THSD7A: variants seen among roughly 807,000 people sequenced by gnomAD.
THSD7A encodes the protein thrombospondin type 1 domain containing 7A, also known as thrombospondin type-1 domain-containing protein 7A.
THSD7A carries 96 observed loss-of-function variants against 231.3 expected under a neutral mutation model. The observed-to-expected ratio is 0.41, with a 90% CI of 0.35 to 0.49. The LOEUF is 0.49. Among genes scored for constraint, THSD7A ranks in the 20% least tolerant of loss-of-function variants. The pLI is 0.05. For synonymous variants in THSD7A, 940 were observed against 743.3 expected (o/e 1.26, Z -4.30); for missense variants, 2,290 against 2,070.2 (o/e 1.11, Z -2.06).
intron 1 of THSD7A, among the ~76,000 whole-genome samples, chr7:11,745,281 G>C (rs550900554): frequency 6.6e-6 from 1 of 151,994 alleles, no homozygotes; most frequent in Non-Finnish European, 1.5e-5. Flanking sequence ...CCCACTTTTT[G>C]ATGGGGTTGT....
chr7:11,772,751 C>T (rs897726830), intron 1 of THSD7A, among the ~76,000 whole-genome samples: 2 of 152,180 alleles, frequency 1.3e-5, no homozygotes, highest in East Asian at 3.9e-4. Context: ...CAAAAAATTA[C>T]CTATAGTGTA....
intron 13 of THSD7A, among the ~76,000 whole-genome samples, chr7:11,442,309 T>G (rs1784831321): frequency 6.6e-6 from 1 of 151,964 alleles, no homozygotes; most frequent in African/African-American, 2.4e-5. Context: ...AAAAGTGACC[T>G]AGTGGGAAAC....
At chr7:11,486,704 T>C (rs1420628650) in intron 6 of THSD7A, among the ~76,000 whole-genome samples, 2 of 152,178 alleles carry the variant, frequency 1.3e-5, no homozygotes, top group Non-Finnish European at 2.9e-5. Context: ...CGTGTATTCA[T>C]ATTAAATATA....
chr7:11,765,762 G>C (rs1053097598), intron 1 of THSD7A, among the ~76,000 whole-genome samples: 14 of 151,862 alleles, frequency 9.2e-5, no homozygotes, highest in Non-Finnish European at 1.3e-4. Flanking sequence ...TTCCAAACTG[G>C]TTATGGCCCT....
intron 4 of THSD7A, among the ~76,000 whole-genome samples, chr7:11,579,346 T>A (rs954860359): frequency 6.6e-6 from 1 of 152,174 alleles, no homozygotes; most frequent in African/African-American, 2.4e-5. Flanking sequence ...TTCTTTTACA[T>A]CTTTAGATAG....
chr7:11,751,639 C>T (rs879488815), intron 1 of THSD7A, among the ~76,000 whole-genome samples: 1 of 151,904 alleles, frequency 6.6e-6, no homozygotes, highest in African/African-American at 2.4e-5. Context: ...CCCATAACTC[C>T]TAGTCTAATC....
chr7:11,390,646 T>TGTG lies in THSD7A; in HGVS notation c.4412-8033_4412-8031dup, dbSNP rs1583655680. Among the ~76,000 whole-genome samples the TGTG allele has an allele frequency of 3.3e-5, 5 of 152,222 alleles. No individual in the cohort carries two copies. In the East Asian group the frequency reaches 9.7e-4, roughly 29 times the overall value. ...TTTTGTTCCCTTGCTGGTGAGGAGGTGTGATCCTTTGGAGGGGAAGAGGCA... is the reference window on the plus strand; with the variant it reads ...TTTTGTTCCCTTGCTGGTGAGGAGGTGTGGTGATCCTTTGGAGGGGAAGAGGCA... On this transcript the variant is annotated intron_variant, in intron 23 of 27. Coordinates refer to ENST00000423059, the MANE Select transcript of THSD7A (RefSeq NM_015204.3).
chr7:11,476,542 T>A (rs1001817211), intron 7 of THSD7A, among the ~76,000 whole-genome samples: 1 of 152,062 alleles, frequency 6.6e-6, no homozygotes, highest in Non-Finnish European at 1.5e-5. Flanking sequence ...AAGCACCAGG[T>A]ACAGTGGCTC....
chr7:11,541,343 A>G (rs976100791), intron 6 of THSD7A, 76 bp downstream of exon 6: 1 of 1,396,096 alleles, frequency 7.2e-7, no homozygotes, highest in Non-Finnish European at 1.0e-6. Context: ...GAGAAGACAC[A>G]GGATTTTAAC....
chr7:11,571,503 T>C (rs868249365), intron 4 of THSD7A, among the ~76,000 whole-genome samples: 1 of 152,198 alleles, frequency 6.6e-6, no homozygotes, highest in African/African-American at 2.4e-5. Context: ...TATGGACTAT[T>C]TTAAATTTTT....
chr7:11,474,240 T>G lies in THSD7A; in HGVS notation c.2252+94A>C. 2 of 1,078,330 alleles carry G rather than the reference T, an allele frequency of 1.9e-6. No individual in the cohort carries two copies. The highest frequency in any genetic ancestry group is 2.7e-6 in the Non-Finnish European group (2 of 748,496). The allele number at this position is 1,078,330 out of a possible 1,614,324, so 66.8% of individuals were successfully genotyped here. On this transcript the variant is annotated intron_variant, in intron 8 of 27. Coordinates refer to ENST00000423059, the MANE Select transcript of THSD7A (RefSeq NM_015204.3). This position sits in a 1 kb window ranked among gnomAD's most constrained non-coding sequence, Gnocchi z 4.1. ...CTCTTGAGGACAGGTATGACAAGCATCAAAATGTTCCATTTCATGAAGCCA... is the reference window on the plus strand; with the variant it reads ...CTCTTGAGGACAGGTATGACAAGCAGCAAAATGTTCCATTTCATGAAGCCA...
chr7:11,697,891 T>C (rs980011226), intron 1 of THSD7A, among the ~76,000 whole-genome samples: 11 of 151,356 alleles, frequency 7.3e-5, no homozygotes, highest in African/African-American at 2.7e-4. Flanking sequence ...TAAATACAAA[T>C]TAAATTAAAT....
At chr7:11,794,370 A>G (rs1784055857) in intron 1 of THSD7A, among the ~76,000 whole-genome samples, 1 of 152,006 alleles carries the variant, frequency 6.6e-6, no homozygotes, top group Non-Finnish European at 1.5e-5. Context: ...ACTGAATAGC[A>G]TCCTCTTGGC....
Position 11,541,604 on chromosome 7 carries a change from G to A in THSD7A, c.1637C>T (p.Thr546Ile). Reference sequence around the variant, plus strand: ...CCCAGAGCCTCCAGTGGGCTCATTGGTAATGCGCCGCTTCCTCAGTTTGAA... The same window carrying A: ...CCCAGAGCCTCCAGTGGGCTCATTGATAATGCGCCGCTTCCTCAGTTTGAA... ...KGFKLRKRRI[T>I]NEPTGGSGVT... Residue 546 changes from threonine to isoleucine, a missense_variant, in exon 6 of 28, where the codon ACC becomes ATC. Physicochemically the swap from Thr to Ile is moderately conservative, Grantham distance 89. Transcript: ENST00000423059. 1 of 1,613,898 alleles carries A rather than the reference G, an allele frequency of 6.2e-7. No homozygotes were observed. Among genetic ancestry groups the A allele is most frequent in the African/African-American group, 1.3e-5 (1 of 75,048 alleles).
intron 5 of THSD7A, 144 bp downstream of exon 5, chr7:11,542,818 G>A (rs1789209649): frequency 1.1e-6 from 1 of 887,126 alleles, no homozygotes; most frequent in African/African-American, 1.7e-5. Flanking sequence ...CACTGGAGAA[G>A]GTTAATTCAT....
intron 11 of THSD7A, among the ~76,000 whole-genome samples, chr7:11,448,187 T>A (rs951251164): frequency 6.6e-6 from 1 of 152,108 alleles, no homozygotes; most frequent in African/African-American, 2.4e-5. Flanking sequence ...AAATCAAAGT[T>A]TAAATTCATA....
At chr7:11,743,915 C>T (rs536086606) in intron 1 of THSD7A, among the ~76,000 whole-genome samples, 3 of 151,864 alleles carry the variant, frequency 2.0e-5, no homozygotes, top group Admixed American at 6.6e-5. Flanking sequence ...GTGGGCTTTG[C>T]GCATATTGCT....
At chr7:11,558,159 A>G (rs959200586) in intron 4 of THSD7A, among the ~76,000 whole-genome samples, 2 of 152,124 alleles carry the variant, frequency 1.3e-5, no homozygotes, top group Admixed American at 6.6e-5. Flanking sequence ...CAAGGGAACT[A>G]ATCACCTTGT....
At chr7:11,700,110 A>T (rs1780540637) in intron 1 of THSD7A, among the ~76,000 whole-genome samples, 3 of 151,256 alleles carry the variant, frequency 2.0e-5, no homozygotes, top group Non-Finnish European at 3.0e-5. Context: ...TCATAAAGTA[A>T]TTACTCTCTA....
Sources: allele counts gnomAD v4.1 joint callset (sites outside exome capture counted in the v4.1 genomes callset), GRCh38; gene constraint gnomAD v4.1.1; non-coding constraint Gnocchi (gnomAD v3.1); transcripts MANE v1.5; gene names NCBI Gene and HGNC (gene_info 2026-07-23, HGNC 2026-07-21).